The following SKAP2 variants were observed in gnomAD, a reference collection of about 807,000 sequenced individuals.
SKAP2 encodes src kinase associated phosphoprotein 2.
Under a neutral mutation model 54.9 loss-of-function variants are expected in SKAP2, and 28 were observed. The observed-to-expected ratio is 0.51, with a 90% CI of 0.38 to 0.70. The LOEUF is 0.70. SKAP2 is among the 30% of genes least tolerant of loss of function. SKAP2 has a pLI of 0.00. For synonymous variants in SKAP2, 137 were observed against 134.3 expected (o/e 1.02, Z -0.14); for missense variants, 356 against 424.1 (o/e 0.84, Z 1.41).
intron 4 of SKAP2, among the ~76,000 whole-genome samples, chr7:26,818,747 A>C (rs1350221239): frequency 6.6e-6 from 1 of 152,138 alleles, no homozygotes; most frequent in Non-Finnish European, 1.5e-5. Flanking sequence ...CAACCCCATC[A>C]AAAAGGGGGT....
At chr7:26,720,458 T>C (rs1255593992) in intron 9 of SKAP2, among the ~76,000 whole-genome samples, 2 of 152,200 alleles carry the variant, frequency 1.3e-5, no homozygotes. Flanking sequence ...ATAAATATTA[T>C]ATGTGTGTAG....
chr7:26,822,914 T>C (rs1262092886), intron 4 of SKAP2, among the ~76,000 whole-genome samples: 1 of 151,088 alleles, frequency 6.6e-6, no homozygotes, highest in Non-Finnish European at 1.5e-5. Flanking sequence ...ACAAAGGCTC[T>C]AAGTGTTCAA....
intron 4 of SKAP2, among the ~76,000 whole-genome samples, chr7:26,811,370 T>G (rs1784140583): frequency 6.6e-6 from 1 of 152,204 alleles, no homozygotes; most frequent in African/African-American, 2.4e-5. Flanking sequence ...AGGAAGCCAC[T>G]GGAGCACTGA....
In SKAP2 at chr7:26,669,162, T is replaced by G. The variant is rs1003302970; in HGVS notation, c.*504A>C. Reference sequence around the variant, plus strand: ...ATAACAATAAAGTTATCTATAAAGTTTGAACATTCTTTAGCATTCTTTGTT... The same window carrying G: ...ATAACAATAAAGTTATCTATAAAGTGTGAACATTCTTTAGCATTCTTTGTT... On this transcript the variant is annotated 3_prime_UTR_variant, in exon 13 of 13. Coordinates refer to ENST00000345317, the MANE Select transcript of SKAP2 (RefSeq NM_003930.5). The G allele has an allele frequency of 6.6e-6, 1 of 152,210 alleles. No individual in the cohort carries two copies. The highest frequency in any genetic ancestry group is 2.4e-5 in the African/African-American group (1 of 41,456). The allele number at this position is 152,210 out of a possible 1,614,324, so 9.4% of individuals were successfully genotyped here.
At chr7:26,780,576 A>G (rs770514475) in intron 4 of SKAP2, among the ~76,000 whole-genome samples, 1 of 152,150 alleles carries the variant, frequency 6.6e-6, no homozygotes, top group Non-Finnish European at 1.5e-5. Flanking sequence ...TTTGAATTTC[A>G]TATTATTTTC....
intron 4 of SKAP2, among the ~76,000 whole-genome samples, chr7:26,829,995 T>C (rs1784567177): frequency 6.6e-6 from 1 of 152,100 alleles, no homozygotes. Flanking sequence ...ACAACACAAA[T>C]GTCCATCAAT....
At chr7:26,700,027 T>C (rs114363492) in intron 9 of SKAP2, among the ~76,000 whole-genome samples, 3,686 of 152,284 alleles carry the variant, frequency 0.024, 144 homozygotes, top group African/African-American at 0.084. Context: ...AAGTGGAATA[T>C]TCTATCATAT....
intron 10 of SKAP2, among the ~76,000 whole-genome samples, chr7:26,689,316 G>A (rs1217765670): frequency 6.6e-6 from 1 of 152,156 alleles, no homozygotes; most frequent in Admixed American, 6.6e-5. Flanking sequence ...CTATGAAGAG[G>A]TGTAAAGTCC....
chr7:26,726,747 C>T, intron 7 of SKAP2, 135 bp downstream of exon 7: 1 of 693,464 alleles, frequency 1.4e-6, no homozygotes, highest in Non-Finnish European at 2.2e-6. Context: ...ATGTTCAATG[C>T]ATAATATATT....
At chr7:26,658,065 G>A in the SKAP2 span, among the ~76,000 whole-genome samples, 1 of 152,258 alleles carries the variant, frequency 6.6e-6, no homozygotes, top group Non-Finnish European at 1.5e-5. Context: ...TCTGCAGATA[G>A]TACTGCAGTC....
At chr7:26,659,371 C>T in the SKAP2 span, among the ~76,000 whole-genome samples, 83 of 152,210 alleles carry the variant, frequency 5.5e-4, no homozygotes, top group African/African-American at 2.0e-3. Flanking sequence ...TTTCTTCATC[C>T]AGGAATAACT....
chr7:26,857,326 A>C (rs1785189195), intron 1 of SKAP2: 1 of 259,224 alleles, frequency 3.9e-6, no homozygotes, highest in Non-Finnish European at 6.0e-6. Flanking sequence ...AAAAAAAAAA[A>C]AAAAAAAAAC....
downstream of SKAP2, among the ~76,000 whole-genome samples, chr7:26,662,168 T>C (rs934033029): frequency 6.6e-6 from 1 of 152,148 alleles, no homozygotes; most frequent in African/African-American, 2.4e-5. Context: ...TATGTTACCA[T>C]AACTGGTAGC....
At chr7:26,820,773 C>A (rs1249097775) in intron 4 of SKAP2, among the ~76,000 whole-genome samples, 1 of 152,082 alleles carries the variant, frequency 6.6e-6, no homozygotes, top group African/African-American at 2.4e-5. Flanking sequence ...AAAATATTGT[C>A]CAACACAAAT....
rs538740293 is a variant in SKAP2 at position 26,816,716 on chromosome 7, C to T, written c.307+27314G>A. ...TCAGTAACAGATCAATTAGATTTCT[C>T]TAGCAAAGAAATTTGATAAGGCAAA... is the stretch of plus-strand genomic sequence containing the variant. On this transcript the variant is annotated intron_variant, in intron 4 of 12. Coordinates refer to ENST00000345317, the MANE Select transcript of SKAP2 (RefSeq NM_003930.5). Among the ~76,000 whole-genome samples, 10 of 152,072 alleles carry T rather than the reference C, an allele frequency of 6.6e-5. No individual in the cohort carries two copies. In the South Asian group the frequency reaches 2.1e-3, roughly 32 times the overall value.
intron 4 of SKAP2, among the ~76,000 whole-genome samples, chr7:26,795,426 G>A (rs184621566): frequency 1.3e-5 from 2 of 152,194 alleles, no homozygotes; most frequent in South Asian, 2.1e-4. Context: ...GTAGATCATA[G>A]GATGAATAAA....
chr7:26,819,271 C>A (rs573069344), intron 4 of SKAP2, among the ~76,000 whole-genome samples: 4 of 151,978 alleles, frequency 2.6e-5, no homozygotes, highest in Admixed American at 1.3e-4. Context: ...GTCCTTTGCA[C>A]GGACATGGAT....
rs1184241488 is a variant in SKAP2 at position 26,668,172 on chromosome 7, A to T, written c.*1494T>A. On this transcript the variant is annotated 3_prime_UTR_variant, in exon 13 of 13. Coordinates refer to ENST00000345317, the MANE Select transcript of SKAP2 (RefSeq NM_003930.5). ...ACACAAATAATGGAGATTTTAAAAT[A>T]TTACCAGCTCAGATACATGTTTAGA... 1 of 152,164 alleles carries T rather than the reference A, an allele frequency of 6.6e-6. No homozygotes were observed. The highest frequency in any genetic ancestry group is 2.4e-5 in the African/African-American group (1 of 41,452). 9.4% of individuals were successfully genotyped at this position (152,164 alleles called of 1,614,324 possible). A position where few individuals can be genotyped will look rare whatever the true frequency, so the allele number is the denominator to read the frequency against.
At chr7:26,769,466 A>C (rs1010669732) in intron 4 of SKAP2, among the ~76,000 whole-genome samples, 1 of 152,190 alleles carries the variant, frequency 6.6e-6, no homozygotes, top group African/African-American at 2.4e-5. Context: ...TCAATTCATC[A>C]AACTCACTCT....
Sources: allele counts gnomAD v4.1 joint callset (sites outside exome capture counted in the v4.1 genomes callset), GRCh38; gene constraint gnomAD v4.1.1; transcripts MANE v1.5; gene names NCBI Gene and HGNC (gene_info 2026-07-23, HGNC 2026-07-21).